B3GALNT2: variants seen among roughly 807,000 people sequenced by gnomAD.
The protein encoded by B3GALNT2 is UDP-GalNAc:beta-1,3-N-acetylgalactosaminyltransferase 2.
B3GALNT2 carries 53 observed loss-of-function variants against 61.1 expected under a neutral mutation model. The observed-to-expected ratio is 0.87, with a 90% CI of 0.70 to 1.09. The LOEUF is 1.09. Ranked by LOEUF, B3GALNT2 falls within the 50% of genes least tolerant of loss-of-function variation. The pLI, the probability that B3GALNT2 is intolerant of heterozygous loss-of-function variation, is 0.00. For synonymous variants in B3GALNT2, 223 were observed against 237.4 expected (o/e 0.94, Z 0.56); for missense variants, 544 against 623.0 (o/e 0.87, Z 1.35).
At chr1:235,496,267 C>T (rs532023163) in intron 1 of B3GALNT2, 43 of 451,478 alleles carry the variant, frequency 9.5e-5, no homozygotes, top group African/African-American at 6.2e-4. Flanking sequence ...GCCGAGACCG[C>T]GCCATTGCAC....
At chr1:235,445,090 G>A (rs1337058669), downstream of B3GALNT2, among the ~76,000 whole-genome samples, 1 of 152,192 alleles carries the variant, frequency 6.6e-6, no homozygotes, top group African/African-American at 2.4e-5. Flanking sequence ...GCAGAGATTC[G>A]ACTATCCATA....
intron 5 of B3GALNT2, among the ~76,000 whole-genome samples, chr1:235,476,625 G>A (rs1196949402): frequency 2.6e-5 from 4 of 152,102 alleles, no homozygotes; most frequent in Non-Finnish European, 5.9e-5. Flanking sequence ...CAAGGTAGGT[G>A]GATCACCTGG....
At position 235,455,806 on chromosome 1, in the gene B3GALNT2, A is replaced by G. The variant is rs1316409489; in HGVS notation, c.1026-122T>C. ...CATTATCTAAATTTCTTATTCCTCA[A>G]ATGTTGAGAACATTTGCTCTAACAA... On this transcript the variant is annotated intron_variant, in intron 8 of 11. Coordinates refer to ENST00000366600, the MANE Select transcript of B3GALNT2 (RefSeq NM_152490.5). 3 of 1,239,692 alleles carry G rather than the reference A, an allele frequency of 2.4e-6. No homozygotes were observed. The African/African-American group carries it at 4.6e-5, about 19-fold the overall frequency. The allele number at this position is 1,239,692 out of a possible 1,614,324, so 76.8% of individuals were successfully genotyped here. A position where few individuals can be genotyped will look rare whatever the true frequency, so the allele number is the denominator to read the frequency against.
intron 2 of B3GALNT2, among the ~76,000 whole-genome samples, chr1:235,491,699 T>C (rs1359731480): frequency 6.6e-6 from 1 of 152,170 alleles, no homozygotes; most frequent in Non-Finnish European, 1.5e-5. Flanking sequence ...CTGATCTCTG[T>C]AGATCAGCCC....
intron 8 of B3GALNT2, among the ~76,000 whole-genome samples, chr1:235,456,104 C>T (rs1451087641): frequency 1.3e-5 from 2 of 152,106 alleles, no homozygotes; most frequent in African/African-American, 4.8e-5. Context: ...TCACACAGAA[C>T]GCTATTGTAC....
intron 7 of B3GALNT2, among the ~76,000 whole-genome samples, chr1:235,460,176 C>T (rs112959864): frequency 0.052 from 7,933 of 151,890 alleles, 369 homozygotes; most frequent in African/African-American, 0.12. Context: ...TACAATGGCA[C>T]GATCTCAGCT....
chr1:235,471,238 T>C (rs1280006738), intron 5 of B3GALNT2, among the ~76,000 whole-genome samples: 1 of 152,230 alleles, frequency 6.6e-6, no homozygotes, highest in Non-Finnish European at 1.5e-5. Flanking sequence ...CCTTATGTTG[T>C]TGCAGCTGTC....
rs1683354328 is a variant in B3GALNT2, at chr1:235,460,153, G to A, written c.842-1367C>T. Among the ~76,000 whole-genome samples, 2 of 150,812 alleles carry A rather than the reference G, an allele frequency of 1.3e-5. 1 individual carries two copies. The highest frequency in any genetic ancestry group is 4.2e-4 in the South Asian group (2 of 4,772). On this transcript the variant is annotated intron_variant, in intron 7 of 11. Coordinates refer to ENST00000366600, the MANE Select transcript of B3GALNT2 (RefSeq NM_152490.5). ...TTTTGAGACACAGTCTCACTCTGTT[G>A]CACAGACTGGAGTACAATGGCACGA...
In B3GALNT2 at chr1:235,450,170, T is replaced by A. The variant is rs1216244088; in HGVS notation, c.*36A>T. ...ACTTGCACTCAGATTATCGTTTGCC[T>A]GCCCTGATTTTAGACTCTGCTAATT... On this transcript the variant is annotated 3_prime_UTR_variant, in exon 12 of 12. Transcript: ENST00000366600. The A allele has an allele frequency of 2.5e-6, 4 of 1,612,634 alleles. No individual in the cohort carries two copies. The highest frequency in any genetic ancestry group is 2.5e-6 in the Non-Finnish European group (3 of 1,178,898).
chr1:235,499,544 C>T (rs181517389), intron 1 of B3GALNT2, among the ~76,000 whole-genome samples: 1 of 152,244 alleles, frequency 6.6e-6, no homozygotes, highest in East Asian at 1.9e-4. Context: ...CAAGCAAGCT[C>T]CCTGAGGGCA....
At position 235,480,057 on chromosome 1, in the gene B3GALNT2, T is replaced by C; in HGVS notation, c.648A>G (p.Pro216=). The change falls in exon 5 of 12, where the codon CCA becomes CCG. Residue 216 remains proline, a synonymous_variant. Transcript: ENST00000366600. ...WYKPVEQFIL[P]ESFEGTIVWE... ...GTCTTTTCCTGCCATCCTGTACCTC[T>C]GGTAAGATGAATTGTTCCACGGGCT... 6.2e-7 allele frequency: 1 copy of C among 1,613,878 alleles called. No homozygotes were observed. Among genetic ancestry groups the C allele is most frequent in the South Asian group, 1.1e-5 (1 of 91,076 alleles).
chr1:235,458,069 G>C (rs778840422), intron 8 of B3GALNT2, among the ~76,000 whole-genome samples: 1 of 151,856 alleles, frequency 6.6e-6, no homozygotes, highest in Non-Finnish European at 1.5e-5. Flanking sequence ...CACCACACTT[G>C]GCTAATTTTT....
intron 5 of B3GALNT2, among the ~76,000 whole-genome samples, chr1:235,477,695 C>T (rs1429550642): frequency 6.6e-6 from 1 of 152,164 alleles, no homozygotes; most frequent in African/African-American, 2.4e-5. Flanking sequence ...ATGCCAGTAT[C>T]ACCCTACATC....
At chr1:235,480,480 T>C (rs370955363) in intron 4 of B3GALNT2, among the ~76,000 whole-genome samples, 4 of 151,860 alleles carry the variant, frequency 2.6e-5, no homozygotes, top group African/African-American at 7.2e-5. Flanking sequence ...CATTATAGTG[T>C]CAACACTCCC....
intron 5 of B3GALNT2, chr1:235,479,202 GAA>G (rs1388424107): frequency 6.6e-6 from 1 of 152,192 alleles, no homozygotes; most frequent in Non-Finnish European, 1.5e-5. Context: ...GAATGGGTAG[GAA>G]AAAGTTTCTT....
rs1682524054 is a variant in B3GALNT2 at position 235,447,969 on chromosome 1, G to T, written c.*2237C>A. The stretch of plus-strand genomic sequence containing the variant: ...CTCATGCTTGTAATCCCAGCACTTT[G>T]GGGGGCCAGGGCGGGCGGATCACGA... On this transcript the variant is annotated 3_prime_UTR_variant, in exon 12 of 12. Transcript: ENST00000366600. Among the ~76,000 whole-genome samples the T allele has an allele frequency of 6.6e-6, 1 of 152,022 alleles. No individual in the cohort carries two copies. The highest frequency in any genetic ancestry group is 2.4e-5 in the African/African-American group (1 of 41,392).
chr1:235,488,434 A>G (rs1684904464), intron 3 of B3GALNT2, among the ~76,000 whole-genome samples: 1 of 152,116 alleles, frequency 6.6e-6, no homozygotes, highest in African/African-American at 2.4e-5. Context: ...CTGTAATCTC[A>G]GCACTTTGGG....
At chr1:235,481,684 G>A (rs1237400966) in intron 4 of B3GALNT2, among the ~76,000 whole-genome samples, 1 of 151,782 alleles carries the variant, frequency 6.6e-6, no homozygotes, top group Non-Finnish European at 1.5e-5. Context: ...AGATAAACAA[G>A]TGTATCAAAA....
rs771912617 is a variant in B3GALNT2, at chr1:235,467,356, T to TAAATA, written c.763-1647_763-1643dup. 3.5e-3 allele frequency among the ~76,000 whole-genome samples: 535 copies of TAAATA among 150,860 alleles called. 3 individuals are homozygous for TAAATA. Among genetic ancestry groups the TAAATA allele is most frequent in the African/African-American group, 0.012 (503 of 41,036 alleles). On this transcript the variant is annotated intron_variant, in intron 6 of 11. Coordinates refer to ENST00000366600, the MANE Select transcript of B3GALNT2 (RefSeq NM_152490.5). ...AGAGTGAGACTCCATCTCAAAAAAA[T>TAAATA]AAATAAAATAAAATAAAATAAAAGT...
Sources: gnomAD v4.1 joint callset for allele counts (sites outside exome capture counted in the v4.1 genomes callset) on GRCh38, gnomAD v4.1.1 for gene constraint, MANE v1.5 for transcripts, NCBI Gene and HGNC (gene_info 2026-07-23, HGNC 2026-07-21) for gene names.